The following RIPOR2 variants were observed in gnomAD, a reference collection of about 807,000 sequenced individuals.
RIPOR2 encodes the protein RHO family interacting cell polarization regulator 2, also known as rho family-interacting cell polarization regulator 2.
A neutral mutation model predicts 114.5 loss-of-function variants in RIPOR2; 39 were observed. The observed-to-expected ratio is 0.34, with a 90% CI of 0.26 to 0.44. The LOEUF (loss-of-function observed/expected upper bound fraction) is 0.44. Among genes scored for constraint, RIPOR2 ranks in the 20% least tolerant of loss-of-function variants. RIPOR2 has a pLI of 1.00. For synonymous variants in RIPOR2, 445 were observed against 484.4 expected (o/e 0.92, Z 1.07); for missense variants, 1,007 against 1,255.1 (o/e 0.80, Z 2.99).
intron 1 of RIPOR2, among the ~76,000 whole-genome samples, chr6:24,905,856 T>C (rs1483791736): frequency 6.6e-6 from 1 of 152,204 alleles, no homozygotes; most frequent in African/African-American, 2.4e-5. Flanking sequence ...CCAAGAGCTC[T>C]CCTGGAAGCC....
At chr6:24,918,617 T>A (rs887538105) in intron 1 of RIPOR2, among the ~76,000 whole-genome samples, 1 of 152,206 alleles carries the variant, frequency 6.6e-6, no homozygotes, top group Non-Finnish European at 1.5e-5. Flanking sequence ...TGTCACTGAC[T>A]GTTAAACTTC....
At chr6:24,939,850 C>A (rs749225306), upstream of RIPOR2, among the ~76,000 whole-genome samples, 1 of 152,136 alleles carries the variant, frequency 6.6e-6, no homozygotes. Flanking sequence ...TTTGTGACAA[C>A]CTGTACTAAA....
chr6:24,847,509 C>A, intron 12 of RIPOR2: 2 of 1,542,938 alleles, frequency 1.3e-6, no homozygotes, highest in South Asian at 2.4e-5. Flanking sequence ...CCCCAGAAGT[C>A]AAGCACTCCA....
intron 1 of RIPOR2, among the ~76,000 whole-genome samples, chr6:24,914,155 C>T (rs760383788): frequency 8.6e-5 from 13 of 151,968 alleles, no homozygotes; most frequent in Non-Finnish European, 1.8e-4. Flanking sequence ...GCCAAAATGG[C>T]GAAACGCTGT....
At position 24,848,136 on chromosome 6, in the gene RIPOR2, GTCC is replaced by G; in HGVS notation, c.1050_1052del (p.Glu350del). The G allele has an allele frequency of 6.2e-7, 1 of 1,613,504 alleles. No homozygotes were observed. The highest frequency in any genetic ancestry group is 8.5e-7 in the Non-Finnish European group (1 of 1,179,732). ...TCCCAGCGCCTGAGGATGCGGTCAT[GTCC>G]TCCACGTCAAATGGACTGCAAAACA... is the stretch of plus-strand genomic sequence containing the variant. On this transcript the variant is annotated inframe_deletion, in exon 12 of 22. Transcript: ENST00000643898.
chr6:24,906,546 G>A (rs572602302), intron 1 of RIPOR2, among the ~76,000 whole-genome samples: 30 of 152,178 alleles, frequency 2.0e-4, no homozygotes, highest in Non-Finnish European at 3.4e-4. Context: ...GTGTCTATGG[G>A]GCAAACCAGG....
intron 1 of RIPOR2, among the ~76,000 whole-genome samples, chr6:24,915,523 C>T (rs1428130338): frequency 3.3e-5 from 5 of 152,080 alleles, no homozygotes; most frequent in Non-Finnish European, 5.9e-5. Flanking sequence ...CGCCACCACT[C>T]CCAACTAATT....
chr6:24,936,920 G>T (rs893802289), upstream of RIPOR2, among the ~76,000 whole-genome samples: 1 of 152,086 alleles, frequency 6.6e-6, no homozygotes, highest in Non-Finnish European at 1.5e-5. Flanking sequence ...TTTATTTTTG[G>T]CACTTTATTT....
intron 13 of RIPOR2, chr6:24,840,211 TG>T: frequency 1.0e-6 from 1 of 993,390 alleles, no homozygotes; most frequent in Non-Finnish European, 1.2e-6. Context: ...CCCAAAGTGT[TG>T]GGATTACAGG....
At chr6:24,844,778 A>C (rs1762094045) in intron 12 of RIPOR2, among the ~76,000 whole-genome samples, 1 of 152,156 alleles carries the variant, frequency 6.6e-6, no homozygotes, top group African/African-American at 2.4e-5. Flanking sequence ...CGCCTGGCCC[A>C]AAATGGTTAA....
chr6:24,962,027 T>C (rs76793066), intron 1 of RIPOR2, among the ~76,000 whole-genome samples: 1,577 of 152,214 alleles, frequency 0.01, 16 homozygotes, highest in Non-Finnish European at 0.018. Flanking sequence ...AGCACCTCAC[T>C]CTAAGTCTCC....
chr6:25,005,691 G>GGAGA (rs1491192830), intron 1 of RIPOR2, among the ~76,000 whole-genome samples: 1 of 34,818 alleles, frequency 2.9e-5, no homozygotes, highest in African/African-American at 6.7e-5. Flanking sequence ...AAATCCCTAT[G>GGAGA]GAGATATATA....
chr6:25,022,512 T>C (rs1248374639), intron 1 of RIPOR2, among the ~76,000 whole-genome samples: 2 of 146,636 alleles, frequency 1.4e-5, no homozygotes, highest in African/African-American at 4.9e-5. Context: ...GTAACACATA[T>C]AACTAATGTG....
In RIPOR2 at chr6:24,877,290, G is replaced by C. The variant is rs937463010; in HGVS notation, c.62-1473C>G. The C allele has an allele frequency of 3.0e-6, 3 of 985,272 alleles. No individual in the cohort carries two copies. In the African/African-American group the frequency reaches 5.2e-5, roughly 17 times the overall value. 61.0% of individuals were successfully genotyped at this position (985,272 alleles called of 1,614,324 possible). A position where few individuals can be genotyped will look rare whatever the true frequency, so the allele number is the denominator to read the frequency against. On this transcript the variant is annotated intron_variant, in intron 1 of 21. Coordinates refer to ENST00000643898, the MANE Select transcript of RIPOR2 (RefSeq NM_001286445.3). ...CAGCCTCCTCCCCCATGTTGCTGCA[G>C]GTTTTTAAATCCCCTCCCTCCCTCT... is the stretch of plus-strand genomic sequence containing the variant.
intron 1 of RIPOR2, chr6:24,976,634 G>A: frequency 6.2e-7 from 1 of 1,609,766 alleles, no homozygotes; most frequent in South Asian, 1.1e-5. Flanking sequence ...GGTTATAAGG[G>A]TTCCTGCTTT....
intron 1 of RIPOR2, among the ~76,000 whole-genome samples, chr6:24,891,781 G>A (rs147675108): frequency 2.0e-5 from 3 of 152,312 alleles, no homozygotes; most frequent in African/African-American, 7.2e-5. Flanking sequence ...AGGTTAGTAA[G>A]TTAGCTTCCA....
At chr6:25,017,549 C>A (rs1776075438) in intron 1 of RIPOR2, among the ~76,000 whole-genome samples, 1 of 152,254 alleles carries the variant, frequency 6.6e-6, no homozygotes, top group African/African-American at 2.4e-5. Flanking sequence ...GGTGTCCCCT[C>A]TTCCACAAAG....
intron 16 of RIPOR2, 110 bp from the exon 17 acceptor site, chr6:24,830,780 A>G (rs1043399720): frequency 8.8e-7 from 1 of 1,131,500 alleles, no homozygotes; most frequent in Non-Finnish European, 1.2e-6. Context: ...CAATGGCATG[A>G]TCTCAGCTCA....
At chr6:24,882,363 C>T (rs1766432224) in intron 1 of RIPOR2, among the ~76,000 whole-genome samples, 1 of 152,224 alleles carries the variant, frequency 6.6e-6, no homozygotes, top group South Asian at 2.1e-4. Flanking sequence ...CTCCTTTCAA[C>T]ATCTGCCAGG....
Sources: gnomAD v4.1 joint callset for allele counts (sites outside exome capture counted in the v4.1 genomes callset) on GRCh38, gnomAD v4.1.1 for gene constraint, MANE v1.5 for transcripts, NCBI Gene and HGNC (gene_info 2026-07-23, HGNC 2026-07-21) for gene names.